The following MGAT4C variants were observed in gnomAD, a reference collection of about 807,000 sequenced individuals.
The protein encoded by MGAT4C is alpha-1,3-mannosyl-glycoprotein 4-beta-N-acetylglucosaminyltransferase C.
A neutral mutation model predicts 40.1 loss-of-function variants in MGAT4C; 19 were observed. That is an observed-to-expected ratio of 0.47 (90% confidence interval 0.33 to 0.70). The LOEUF is 0.70. Among genes scored for constraint, MGAT4C ranks in the 30% least tolerant of loss-of-function variants. MGAT4C has a pLI of 0.02. For synonymous variants in MGAT4C, 181 were observed against 187.1 expected, an observed-to-expected ratio of 0.97 and a Z score of 0.27; for missense variants, 491 against 563.2, an observed-to-expected ratio of 0.87 and a Z score of 1.30.
At chr12:86,568,048 C>G (rs1378213293) in intron 2 of MGAT4C, among the ~76,000 whole-genome samples, 1 of 152,030 alleles carries the variant, frequency 6.6e-6, no homozygotes, top group Non-Finnish European at 1.5e-5. Context: ...TATATGGGTT[C>G]ACGTTGACAA....
At chr12:86,176,768 T>G (rs1291581808) in intron 1 of MGAT4C, among the ~76,000 whole-genome samples, 2 of 150,310 alleles carry the variant, frequency 1.3e-5, no homozygotes, top group South Asian at 4.2e-4. Flanking sequence ...TATTATATAG[T>G]GTGTTCTATA....
chr12:86,383,660 G>C (rs1955996751), intron 3 of MGAT4C, among the ~76,000 whole-genome samples: 1 of 151,504 alleles, frequency 6.6e-6, no homozygotes, highest in African/African-American at 2.4e-5. Flanking sequence ...CTCCCATTTG[G>C]AACAACTGTA....
At chr12:86,056,260 G>A (rs1893374135) in intron 1 of MGAT4C, among the ~76,000 whole-genome samples, 1 of 152,164 alleles carries the variant, frequency 6.6e-6, no homozygotes, top group African/African-American at 2.4e-5. Flanking sequence ...TATACTTTAC[G>A]TTCTAGGGTA....
At chr12:86,395,568 C>G (rs1385125873) in intron 3 of MGAT4C, among the ~76,000 whole-genome samples, 2 of 152,130 alleles carry the variant, frequency 1.3e-5, no homozygotes, top group Non-Finnish European at 2.9e-5. Context: ...GAAAACTCCT[C>G]CAGTAAAAAT....
intron 1 of MGAT4C, among the ~76,000 whole-genome samples, chr12:86,793,146 G>A (rs955159072): frequency 9.9e-5 from 15 of 151,902 alleles, no homozygotes; most frequent in Non-Finnish European, 1.3e-4. Flanking sequence ...ACATTCAATT[G>A]GATAGTGATT....
At chr12:86,232,908 T>C (rs1443785014) in intron 1 of MGAT4C, among the ~76,000 whole-genome samples, 1 of 152,176 alleles carries the variant, frequency 6.6e-6, no homozygotes, top group Non-Finnish European at 1.5e-5. Flanking sequence ...TGCTCTTTGA[T>C]GTTACGTGGA....
At chr12:86,504,165 G>C (rs975496694) in intron 2 of MGAT4C, among the ~76,000 whole-genome samples, 1 of 151,816 alleles carries the variant, frequency 6.6e-6, no homozygotes, top group African/African-American at 2.4e-5. Flanking sequence ...TAAAAACTTG[G>C]CAATACCTAG....
chr12:86,601,693 C>CCA (rs773676321), intron 2 of MGAT4C, among the ~76,000 whole-genome samples: 3 of 152,252 alleles, frequency 2.0e-5, no homozygotes, highest in South Asian at 4.1e-4. Flanking sequence ...AAGGCCTGTA[C>CCA]CACTATTAAC....
intron 1 of MGAT4C, among the ~76,000 whole-genome samples, chr12:86,811,792 C>A (rs1280268384): frequency 6.6e-6 from 1 of 151,470 alleles, no homozygotes; most frequent in Non-Finnish European, 1.5e-5. Flanking sequence ...TGTTCTCTAT[C>A]ATTTTCCAAT....
intron 1 of MGAT4C, among the ~76,000 whole-genome samples, chr12:86,244,869 TTATGGG>T (rs1254590010): frequency 2.0e-5 from 3 of 152,068 alleles, no homozygotes; most frequent in African/African-American, 7.2e-5. Context: ...AGCATAGGGT[TTATGGG>T]TGAGTAATAA....
Position 86,497,893 on chromosome 12 carries a change from A to AATATATATAT in MGAT4C, c.-228-62638_-228-62629dup, listed in dbSNP as rs71078904. On this transcript the variant is annotated intron_variant, in intron 2 of 7. Coordinates refer to the MGAT4C transcript ENST00000548651. ...TGCTAATTTTCTCATGAAATTCCTA[A>AATATATATAT]ATATATATATATATATATATATACG... 2.0e-3 allele frequency among the ~76,000 whole-genome samples: 263 copies of AATATATATAT among 133,872 alleles called. 1 individual carries two copies. Among genetic ancestry groups the AATATATATAT allele is most frequent in the East Asian group, 0.013 (63 of 4,712 alleles). The allele number at this position is 133,872 out of a possible 152,430, so 87.8% of individuals were successfully genotyped here.
chr12:86,717,904 A>G (rs1950672708), intron 2 of MGAT4C, among the ~76,000 whole-genome samples: 1 of 152,144 alleles, frequency 6.6e-6, no homozygotes, highest in Admixed American at 6.6e-5. Context: ...ATTTTTGGCT[A>G]AGTTTTATAC....
chr12:86,216,481 T>G (rs1179375589), intron 1 of MGAT4C, among the ~76,000 whole-genome samples: 1 of 152,218 alleles, frequency 6.6e-6, no homozygotes, highest in Non-Finnish European at 1.5e-5. Context: ...ATCTAGAAGT[T>G]TTTTAAGAAA....
At chr12:86,769,566 G>A (rs572612751) in intron 1 of MGAT4C, among the ~76,000 whole-genome samples, 16 of 152,224 alleles carry the variant, frequency 1.1e-4, no homozygotes, top group African/African-American at 3.4e-4. Flanking sequence ...ATATGCACAC[G>A]TATGTTTATT....
chr12:86,640,238 T>C (rs963895731), intron 2 of MGAT4C, among the ~76,000 whole-genome samples: 2 of 151,804 alleles, frequency 1.3e-5, no homozygotes, highest in African/African-American at 2.4e-5. Context: ...GAGGACTGTT[T>C]TGAATAACCA....
Position 85,971,368 on chromosome 12 carries a change from ATGT to A in MGAT4C, c.*7918_*7920del, listed in dbSNP as rs1883614974. The A allele has an allele frequency of 6.6e-6, 1 of 151,178 alleles. No homozygotes were observed. The highest frequency in any genetic ancestry group is 1.5e-5 in the Non-Finnish European group (1 of 67,318). The allele number at this position is 151,178 out of a possible 1,614,324, so 9.4% of individuals were successfully genotyped here. On this transcript the variant is annotated 3_prime_UTR_variant, in exon 5 of 5. Coordinates refer to ENST00000611864, the MANE Select transcript of MGAT4C (RefSeq NM_001351288.2). ...TGCTAGGAAACAAATATTACAAAAT[ATGT>A]TGTTAACTTTTCAAAGATGATCGGT...
intron 2 of MGAT4C, among the ~76,000 whole-genome samples, chr12:86,615,197 A>T (rs1962410676): frequency 1.3e-5 from 2 of 152,058 alleles, no homozygotes; most frequent in Non-Finnish European, 2.9e-5. Context: ...TATACTGAAA[A>T]GGATAATCAA....
intron 2 of MGAT4C, among the ~76,000 whole-genome samples, chr12:86,494,439 T>C (rs1163238024): frequency 6.6e-6 from 1 of 151,926 alleles, no homozygotes; most frequent in Middle Eastern, 3.2e-3. Flanking sequence ...CTCTCTGACA[T>C]ATAGACAACT....
At chr12:86,685,027 C>G (rs921491799) in intron 2 of MGAT4C, among the ~76,000 whole-genome samples, 45 of 152,078 alleles carry the variant, frequency 3.0e-4, no homozygotes, top group African/African-American at 9.4e-4. Flanking sequence ...TGTGCAGAAG[C>G]TTTTTAGTTT....
Sources: gnomAD v4.1 joint callset for allele counts (sites outside exome capture counted in the v4.1 genomes callset) on GRCh38, gnomAD v4.1.1 for gene constraint, MANE v1.5 for transcripts, NCBI Gene and HGNC (gene_info 2026-07-23, HGNC 2026-07-21) for gene names.